Variants in SUGCT observed in about 807,000 individuals in gnomAD.
SUGCT encodes the protein succinyl-CoA:glutarate CoA-transferase.
Under a neutral mutation model 55.0 loss-of-function variants are expected in SUGCT, and 41 were observed. The ratio of observed to expected loss-of-function variants is 0.74; its 90% confidence interval spans 0.58 to 0.97. The LOEUF (loss-of-function observed/expected upper bound fraction) is 0.97, where lower values mean the gene tolerates loss of function less well. Among genes scored for constraint, SUGCT ranks in the 50% least tolerant of loss-of-function variants. The pLI, the probability that SUGCT is intolerant of heterozygous loss-of-function variation, is 0.00. For missense variants in SUGCT, 568 were observed against 547.8 expected (o/e 1.04, Z -0.37); for synonymous variants, 187 against 200.4 (o/e 0.93, Z 0.56).
intron 6 of SUGCT, among the ~76,000 whole-genome samples, chr7:40,229,507 A>G (rs998880667): frequency 7.4e-5 from 11 of 148,578 alleles, no homozygotes; most frequent in Non-Finnish European, 1.0e-4. Context: ...CAATAGAGTG[A>G]GACCCCGTCT....
chr7:40,818,120 A>T (rs113936979), intron 13 of SUGCT, among the ~76,000 whole-genome samples: 169 of 152,350 alleles, frequency 1.1e-3, no homozygotes, highest in African/African-American at 3.9e-3. Context: ...TGCAGTTCAG[A>T]AACTAGGAGC....
At chr7:40,891,693 C>G in the SUGCT span, among the ~76,000 whole-genome samples, 2 of 152,038 alleles carry the variant, frequency 1.3e-5, no homozygotes, top group African/African-American at 4.8e-5. Flanking sequence ...AAAAATTATG[C>G]TAACAAGCTG....
chr7:40,637,944 T>A (rs1800094398), intron 12 of SUGCT, among the ~76,000 whole-genome samples: 2 of 152,236 alleles, frequency 1.3e-5, no homozygotes, highest in African/African-American at 4.8e-5. Flanking sequence ...TATTTGTAAG[T>A]ACTTGATTGC....
At chr7:40,162,352 T>C (rs1382276464) in intron 1 of SUGCT, among the ~76,000 whole-genome samples, 2 of 152,236 alleles carry the variant, frequency 1.3e-5, no homozygotes, top group Non-Finnish European at 2.9e-5. Flanking sequence ...TCCTTTGCCT[T>C]GTAGGAGAAG....
At chr7:40,639,291 C>T (rs1192489551) in intron 12 of SUGCT, among the ~76,000 whole-genome samples, 6 of 151,994 alleles carry the variant, frequency 3.9e-5, no homozygotes, top group African/African-American at 1.5e-4. Flanking sequence ...GTATAGCGCC[C>T]AGCAAAAAAA....
At chr7:40,770,580 A>G (rs1789044795) in intron 13 of SUGCT, among the ~76,000 whole-genome samples, 1 of 152,100 alleles carries the variant, frequency 6.6e-6, no homozygotes, top group Non-Finnish European at 1.5e-5. Context: ...TTATACCTAT[A>G]CTCACATATA....
At chr7:40,483,706 A>C (rs992693220) in intron 11 of SUGCT, among the ~76,000 whole-genome samples, 14 of 152,214 alleles carry the variant, frequency 9.2e-5, no homozygotes, top group African/African-American at 2.4e-4. Context: ...TGAAAAAAAA[A>C]AAAAGAATAA....
chr7:40,951,856 G>A, the SUGCT span, among the ~76,000 whole-genome samples: 1 of 152,156 alleles, frequency 6.6e-6, no homozygotes. Context: ...ATTTGCTGAG[G>A]AGTGCTTTAC....
At chr7:40,204,974 C>A (rs1311240709) in intron 6 of SUGCT, among the ~76,000 whole-genome samples, 1 of 151,250 alleles carries the variant, frequency 6.6e-6, no homozygotes, top group Non-Finnish European at 1.5e-5. Context: ...AAGAGAAGGG[C>A]CCGGTGCAAT....
intron 12 of SUGCT, among the ~76,000 whole-genome samples, chr7:40,623,389 G>A (rs1266331885): frequency 6.6e-6 from 1 of 152,126 alleles, no homozygotes; most frequent in Non-Finnish European, 1.5e-5. Context: ...GAATTGTGCA[G>A]AACTGGACTC....
intron 5 of SUGCT, among the ~76,000 whole-genome samples, chr7:40,189,889 C>A (rs550972462): frequency 6.6e-6 from 1 of 152,228 alleles, no homozygotes; most frequent in East Asian, 1.9e-4. Flanking sequence ...TCAGATTTTA[C>A]CTTGTAAATG....
intron 1 of SUGCT, among the ~76,000 whole-genome samples, chr7:40,167,487 GCT>G (rs1348565752): frequency 6.6e-6 from 1 of 152,090 alleles, no homozygotes; most frequent in Non-Finnish European, 1.5e-5. Context: ...GTGGCAGGCT[GCT>G]CCTAAGATGG....
intron 12 of SUGCT, among the ~76,000 whole-genome samples, chr7:40,607,506 T>G (rs17171746): frequency 0.042 from 6,428 of 152,200 alleles, 453 homozygotes; most frequent in African/African-American, 0.15. Context: ...TTCCCAGAGT[T>G]TGGATGATGT....
intron 1 of SUGCT, among the ~76,000 whole-genome samples, chr7:40,161,280 G>A (rs968096607): frequency 2.6e-5 from 4 of 151,992 alleles, no homozygotes; most frequent in African/African-American, 4.8e-5. Context: ...CATATGTATC[G>A]CCCCCACGTT....
At chr7:40,765,901 C>T (rs142773601) in intron 13 of SUGCT, among the ~76,000 whole-genome samples, 74 of 152,288 alleles carry the variant, frequency 4.9e-4, no homozygotes, top group African/African-American at 1.8e-3. Context: ...TCAAGCATCA[C>T]CCTCTAAGTT....
At chr7:40,457,997 G>A (rs987683337) in intron 10 of SUGCT, among the ~76,000 whole-genome samples, 4 of 152,244 alleles carry the variant, frequency 2.6e-5, no homozygotes, top group Non-Finnish European at 5.9e-5. Context: ...TTTAAAATCC[G>A]GGAGAATAAT....
chr7:40,862,627 G>A (rs1463910678), downstream of SUGCT, among the ~76,000 whole-genome samples: 1 of 152,066 alleles, frequency 6.6e-6, no homozygotes, highest in Non-Finnish European at 1.5e-5. Context: ...CTGCCTTCTG[G>A]CAGGTTTGTG....
chr7:40,378,670 G>A (rs542449942), intron 9 of SUGCT, among the ~76,000 whole-genome samples: 2 of 152,210 alleles, frequency 1.3e-5, no homozygotes, highest in South Asian at 2.1e-4. Flanking sequence ...ATGGGGTTTT[G>A]CAACATTGGC....
intron 12 of SUGCT, chr7:40,683,987 T>TA: frequency 6.3e-7 from 1 of 1,595,024 alleles, no homozygotes; most frequent in Non-Finnish European, 8.5e-7. Context: ...TCATGTGTGT[T>TA]ACTGGCAGAA....
Sources: gnomAD v4.1 joint callset for allele counts (sites outside exome capture counted in the v4.1 genomes callset) on GRCh38, gnomAD v4.1.1 for gene constraint, MANE v1.5 for transcripts, NCBI Gene and HGNC (gene_info 2026-07-23, HGNC 2026-07-21) for gene names.